The following SCARB2 variants were observed in gnomAD, a reference collection of about 807,000 sequenced individuals.
The protein encoded by SCARB2 is lysosome membrane protein 2.
Under a neutral mutation model 58.6 loss-of-function variants are expected in SCARB2, and 29 were observed. That is an observed-to-expected ratio of 0.49 (90% CI 0.37 to 0.67). The LOEUF (loss-of-function observed/expected upper bound fraction) is 0.67, where lower values mean the gene tolerates loss of function less well. SCARB2 is among the 30% of genes least tolerant of loss of function. The pLI, the probability that SCARB2 is intolerant of heterozygous loss-of-function variation, is 0.00. For missense variants in SCARB2, 488 were observed against 578.5 expected (o/e 0.84, Z 1.60); for synonymous variants, 195 against 210.1 (o/e 0.93, Z 0.62).
intron 2 of SCARB2, among the ~76,000 whole-genome samples, chr4:76,190,966 A>G (rs1451921945): frequency 6.6e-6 from 1 of 152,258 alleles, no homozygotes; most frequent in African/African-American, 2.4e-5. Context: ...GTATAAAAAA[A>G]GATTGTAAAG....
At chr4:76,182,513 T>C (rs1363504206) in intron 2 of SCARB2, among the ~76,000 whole-genome samples, 1 of 152,228 alleles carries the variant, frequency 6.6e-6, no homozygotes, top group African/African-American at 2.4e-5. Flanking sequence ...CACATGTGGT[T>C]CATGTAATAT....
At chr4:76,219,193 T>C (rs751503077) in intron 1 of SCARB2, among the ~76,000 whole-genome samples, 1 of 152,162 alleles carries the variant, frequency 6.6e-6, no homozygotes, top group Non-Finnish European at 1.5e-5. Flanking sequence ...GGAATACTCA[T>C]GGTGACCTGG....
At chr4:76,219,991 G>A (rs1264891414) in intron 1 of SCARB2, among the ~76,000 whole-genome samples, 1 of 152,116 alleles carries the variant, frequency 6.6e-6, no homozygotes, top group African/African-American at 2.4e-5. Flanking sequence ...AATGAAAAAC[G>A]TTTCAGAATA....
chr4:76,168,003 G>A (rs1404064380), intron 9 of SCARB2, among the ~76,000 whole-genome samples: 3 of 152,056 alleles, frequency 2.0e-5, no homozygotes, highest in East Asian at 3.9e-4. Flanking sequence ...AGCAACACAA[G>A]AACAGTCTAA....
At chr4:76,177,660 TG>T (rs1271652478) in intron 4 of SCARB2, among the ~76,000 whole-genome samples, 1 of 151,928 alleles carries the variant, frequency 6.6e-6, no homozygotes, top group African/African-American at 2.4e-5. Context: ...AAGCAAAATG[TG>T]GTATATCTAC....
chr4:76,214,335 G>A (rs938629746), upstream of SCARB2: 1 of 454,552 alleles, frequency 2.2e-6, no homozygotes, highest in African/African-American at 2.0e-5. Flanking sequence ...GGGGCCTGGG[G>A]GATGCATAAG....
intron 2 of SCARB2, among the ~76,000 whole-genome samples, chr4:76,187,583 T>C (rs1490331361): frequency 6.6e-6 from 1 of 152,204 alleles, no homozygotes; most frequent in Non-Finnish European, 1.5e-5. Flanking sequence ...AATCCTATGC[T>C]ATAACATTAG....
chr4:76,216,988 C>T (rs975223075), upstream of SCARB2, among the ~76,000 whole-genome samples: 2 of 152,234 alleles, frequency 1.3e-5, no homozygotes, highest in African/African-American at 4.8e-5. Flanking sequence ...GTTCCATCTT[C>T]TCTACCCACA....
At chr4:76,226,548 G>A (rs1733402481) in intron 1 of SCARB2, among the ~76,000 whole-genome samples, 1 of 152,012 alleles carries the variant, frequency 6.6e-6, no homozygotes, top group Non-Finnish European at 1.5e-5. Flanking sequence ...GTGCTGTGGG[G>A]CAGCCTTCCA....
At chr4:76,233,648 C>G (rs531055898) in intron 1 of SCARB2, among the ~76,000 whole-genome samples, 4 of 152,060 alleles carry the variant, frequency 2.6e-5, no homozygotes, top group Admixed American at 1.3e-4. Context: ...AACAGCCAGG[C>G]AGGAGAAAAC....
At chr4:76,209,342 T>C (rs1319570775) in intron 1 of SCARB2, among the ~76,000 whole-genome samples, 1 of 152,150 alleles carries the variant, frequency 6.6e-6, no homozygotes, top group Non-Finnish European at 1.5e-5. Context: ...TGGTTATCAG[T>C]GATTACATTT....
rs1020529328 is a variant in SCARB2, at chr4:76,213,767, G to A, written c.-224C>T. 6.9e-6 allele frequency: 3 copies of A among 435,592 alleles called. No individual in the cohort carries two copies. The highest frequency in any genetic ancestry group is 3.4e-5 in the South Asian group (1 of 29,380). The allele number at this position is 435,592 out of a possible 1,614,324, so 27.0% of individuals were successfully genotyped here. ...GCCGCGGAGGGACGGGCCCGGACTC[G>A]GTTTCGGTTTCCTTCGCCGGGCAGC... On this transcript the variant is annotated 5_prime_UTR_variant, in exon 1 of 12. Transcript: ENST00000264896.
At chr4:76,214,521 G>A (rs975075672), upstream of SCARB2, 3 of 349,480 alleles carry the variant, frequency 8.6e-6, no homozygotes, top group African/African-American at 2.2e-5. Context: ...GGGTGGAGTC[G>A]GAGGTGTTGA....
At chr4:76,183,124 T>C (rs67653006) in intron 2 of SCARB2, among the ~76,000 whole-genome samples, 15,031 of 152,238 alleles carry the variant, frequency 0.099, 892 homozygotes, top group East Asian at 0.21. Context: ...TCTTCTCCAG[T>C]AGAAAAAACA....
intron 1 of SCARB2, among the ~76,000 whole-genome samples, chr4:76,196,513 G>T (rs1371697039): frequency 2.0e-5 from 3 of 152,154 alleles, no homozygotes; most frequent in Admixed American, 2.0e-4. Context: ...TCCATGGATG[G>T]TGTATCTTCT....
chr4:76,218,420 T>C (rs897832546), upstream of SCARB2, among the ~76,000 whole-genome samples: 2 of 152,218 alleles, frequency 1.3e-5, no homozygotes, highest in African/African-American at 4.8e-5. Context: ...GGAGAGCTCA[T>C]ATACCATTTA....
At chr4:76,175,655 G>T in intron 6 of SCARB2, 136 bp downstream of exon 6, 2 of 1,027,276 alleles carry the variant, frequency 1.9e-6, no homozygotes, top group Non-Finnish European at 2.9e-6. Context: ...GTCTCGATGT[G>T]CCATCAGCAT....
At chr4:76,186,583 G>A (rs1326201569) in intron 2 of SCARB2, among the ~76,000 whole-genome samples, 1 of 152,174 alleles carries the variant, frequency 6.6e-6, no homozygotes, top group East Asian at 1.9e-4. Context: ...GAAGTGGTAA[G>A]AGCAGGGTCG....
chr4:76,219,785 C>T (rs772254666), intron 1 of SCARB2, among the ~76,000 whole-genome samples: 2 of 151,994 alleles, frequency 1.3e-5, no homozygotes, highest in African/African-American at 4.8e-5. Flanking sequence ...AAATAAGCCC[C>T]GCCCCTCACC....
Sources: gnomAD v4.1 joint callset for allele counts (sites outside exome capture counted in the v4.1 genomes callset) on GRCh38, gnomAD v4.1.1 for gene constraint, MANE v1.5 for transcripts, NCBI Gene and HGNC (gene_info 2026-07-23, HGNC 2026-07-21) for gene names.